Variants in PDE8B observed in about 807,000 individuals in gnomAD.
PDE8B encodes phosphodiesterase 8B, also known as high affinity cAMP-specific and IBMX-insensitive 3',5'-cyclic phosphodiesterase 8B.
A neutral mutation model predicts 101.3 loss-of-function variants in PDE8B; 26 were observed. The observed-to-expected ratio is 0.26, with a 90% CI of 0.19 to 0.36. The LOEUF (loss-of-function observed/expected upper bound fraction) is 0.36, where lower values mean the gene tolerates loss of function less well. PDE8B is among the 10% of genes least tolerant of loss of function. The pLI is 1.00. For synonymous variants in PDE8B, 424 were observed against 429.3 expected, an observed-to-expected ratio of 0.99 and a Z score of 0.15; for missense variants, 810 against 1,163.1, an observed-to-expected ratio of 0.70 and a Z score of 4.42.
intron 10 of PDE8B, among the ~76,000 whole-genome samples, chr5:77,369,085 C>T (rs994618722): frequency 6.6e-6 from 1 of 151,464 alleles, no homozygotes; most frequent in Non-Finnish European, 1.5e-5. Context: ...GGCCTGTAAT[C>T]CAAGCTATTC....
chr5:77,254,435 C>T (rs1471492801), intron 1 of PDE8B, among the ~76,000 whole-genome samples: 1 of 152,104 alleles, frequency 6.6e-6, no homozygotes, highest in East Asian at 1.9e-4. Flanking sequence ...TTAGTGCTTT[C>T]TTTTAAGATT....
chr5:77,371,955 C>A (rs1288312773), intron 10 of PDE8B, among the ~76,000 whole-genome samples: 3 of 152,152 alleles, frequency 2.0e-5, no homozygotes, highest in Non-Finnish European at 4.4e-5. Flanking sequence ...AATCCCAACA[C>A]TTTGGGAGGC....
At chr5:77,157,949 C>G in the PDE8B span, among the ~76,000 whole-genome samples, 1 of 152,100 alleles carries the variant, frequency 6.6e-6, no homozygotes, top group Non-Finnish European at 1.5e-5. Flanking sequence ...ACGGTATTTA[C>G]AGACACTTAC....
At chr5:77,423,907 G>C (rs1175633064) in intron 20 of PDE8B, among the ~76,000 whole-genome samples, 6 of 151,784 alleles carry the variant, frequency 4.0e-5, no homozygotes, top group African/African-American at 1.5e-4. Flanking sequence ...AAAGTGCTAG[G>C]ATTACAGGCG....
chr5:77,321,848 C>T (rs1239622782), intron 2 of PDE8B, among the ~76,000 whole-genome samples: 1 of 152,154 alleles, frequency 6.6e-6, no homozygotes, highest in Non-Finnish European at 1.5e-5. Flanking sequence ...GTTGGCCTTG[C>T]AACAGATACA....
chr5:77,196,808 G>A, the PDE8B span, among the ~76,000 whole-genome samples: 1 of 152,122 alleles, frequency 6.6e-6, no homozygotes, highest in East Asian at 1.9e-4. Context: ...ACCTGAGAAT[G>A]TTTCTAGGAT....
intron 1 of PDE8B, among the ~76,000 whole-genome samples, chr5:77,222,883 A>C (rs1206873654): frequency 1.3e-5 from 2 of 152,198 alleles, no homozygotes; most frequent in East Asian, 3.8e-4. Flanking sequence ...CCTGGAGCTC[A>C]AAGCTGCCAG....
In PDE8B at chr5:77,348,096, T is replaced by A. The variant is rs188424879; in HGVS notation, c.877-1323T>A. Among the ~76,000 whole-genome samples the A allele has an allele frequency of 9.2e-4, 140 of 152,256 alleles. 1 individual carries two copies. Among genetic ancestry groups the A allele is most frequent in the African/African-American group, 3.3e-3 (136 of 41,544 alleles). ...TCCAAACCCCTTCAACTCTCAGGGTTGATCGTGTTAATAGAAGCTGTGTCT... is the reference window on the plus strand; with the variant it reads ...TCCAAACCCCTTCAACTCTCAGGGTAGATCGTGTTAATAGAAGCTGTGTCT... On this transcript the variant is annotated intron_variant, in intron 7 of 21. Coordinates refer to ENST00000264917, the MANE Select transcript of PDE8B (RefSeq NM_003719.5).
At chr5:77,190,705 C>T in the PDE8B span, among the ~76,000 whole-genome samples, 14 of 152,192 alleles carry the variant, frequency 9.2e-5, no homozygotes, top group African/African-American at 3.1e-4. Context: ...GTGTTCTCCT[C>T]ATCACTTTGG....
At chr5:77,244,655 C>CTA in intron 1 of PDE8B, among the ~76,000 whole-genome samples, 1 of 152,052 alleles carries the variant, frequency 6.6e-6, no homozygotes, top group African/African-American at 2.4e-5. Context: ...CTCTCTCTCT[C>CTA]TATATATAAA....
intron 1 of PDE8B, among the ~76,000 whole-genome samples, chr5:77,233,654 C>CTG (rs72346580): frequency 0.15 from 20,311 of 137,992 alleles, 1,482 homozygotes; most frequent in East Asian, 0.33. Context: ...CCCTGAAGCT[C>CTG]TGTGTGTGTG....
At chr5:77,291,151 T>C in intron 1 of PDE8B, 4 of 1,610,534 alleles carry the variant, frequency 2.5e-6, no homozygotes, top group Non-Finnish European at 2.5e-6. Flanking sequence ...TTCACTGCTG[T>C]GGGAATAGCT....
chr5:77,198,721 TA>T, the PDE8B span, among the ~76,000 whole-genome samples: 1 of 152,308 alleles, frequency 6.6e-6, no homozygotes, highest in African/African-American at 2.4e-5. Context: ...GGAAGGAGGG[TA>T]AATTTGGTCC....
At chr5:77,210,609 C>A, upstream of PDE8B, 1 of 980,084 alleles carries the variant, frequency 1.0e-6, no homozygotes, top group Non-Finnish European at 1.2e-6. This position sits in a 1 kb window ranked among gnomAD's most constrained non-coding sequence, Gnocchi z 4.9. Context: ...GAGGGGAAGG[C>A]GGAGGCGCGG....
At chr5:77,325,463 C>G in intron 2 of PDE8B, 76 bp from the exon 3 acceptor site, 1 of 1,352,928 alleles carries the variant, frequency 7.4e-7, no homozygotes, top group Non-Finnish European at 1.1e-6. Context: ...GCCACTGCGC[C>G]TGGCCACTAG....
intron 7 of PDE8B, among the ~76,000 whole-genome samples, chr5:77,347,539 C>G (rs1422650394): frequency 1.3e-5 from 2 of 152,208 alleles, no homozygotes; most frequent in Non-Finnish European, 2.9e-5. Flanking sequence ...CTAATATTTT[C>G]TATTCATTCC....
intron 10 of PDE8B, among the ~76,000 whole-genome samples, chr5:77,368,425 C>T (rs973254382): frequency 2.0e-5 from 3 of 152,226 alleles, no homozygotes; most frequent in Admixed American, 6.5e-5. Flanking sequence ...CACCCTGTTA[C>T]TCCTGGCTCC....
chr5:77,236,932 G>T (rs1413422306), intron 1 of PDE8B, among the ~76,000 whole-genome samples: 4 of 152,070 alleles, frequency 2.6e-5, no homozygotes, highest in African/African-American at 9.7e-5. Flanking sequence ...AGTTTTGTCA[G>T]TTTTTGCTTT....
At chr5:77,407,136 C>A (rs1450349479) in intron 12 of PDE8B, among the ~76,000 whole-genome samples, 1 of 152,186 alleles carries the variant, frequency 6.6e-6, no homozygotes, top group African/African-American at 2.4e-5. Flanking sequence ...TGAAATTCCC[C>A]TTGTGGACTT....
Sources: gnomAD v4.1 joint callset for allele counts (sites outside exome capture counted in the v4.1 genomes callset) on GRCh38, gnomAD v4.1.1 for gene constraint, Gnocchi (gnomAD v3.1) non-coding constraint, MANE v1.5 for transcripts, NCBI Gene and HGNC (gene_info 2026-07-23, HGNC 2026-07-21) for gene names.